OXNAD1: variants seen among roughly 807,000 people sequenced by gnomAD.
The protein encoded by OXNAD1 is oxidoreductase NAD binding domain containing 1.
OXNAD1 carries 34 observed loss-of-function variants against 32.9 expected under a neutral mutation model. The ratio of observed to expected loss-of-function variants is 1.03; its 90% CI spans 0.79 to 1.38. The LOEUF (loss-of-function observed/expected upper bound fraction) is 1.38. OXNAD1 is among the 40% of genes most tolerant of loss of function. The pLI, the probability that OXNAD1 is intolerant of heterozygous loss-of-function variation, is 0.00. For synonymous variants in OXNAD1, 134 were observed against 135.2 expected (o/e 0.99, Z 0.06); for missense variants, 407 against 379.4 (o/e 1.07, Z -0.60).
rs1190439568 is a variant in OXNAD1 at position 16,298,113 on chromosome 3, T to C, written c.432+3116T>C. Among the ~76,000 whole-genome samples the C allele has an allele frequency of 6.6e-6, 1 of 152,122 alleles. No homozygotes were observed. Among genetic ancestry groups the C allele is most frequent in the Non-Finnish European group, 1.5e-5 (1 of 68,010 alleles). On this transcript the variant is annotated intron_variant, in intron 6 of 8. Coordinates refer to ENST00000285083, the MANE Select transcript of OXNAD1 (RefSeq NM_138381.5). The surrounding 1 kb of genome is among the most constrained non-coding windows in gnomAD (Gnocchi z 5.1). ...TCCATTGTAAATGTATCCTGTCACA[T>C]TTTTACCCTGCAACCTTCTGAGTCT... is the stretch of plus-strand genomic sequence containing the variant.
In OXNAD1 at chr3:16,298,646, T is replaced by G. The variant is rs1575138691; in HGVS notation, c.433-2980T>G. On this transcript the variant is annotated intron_variant, in intron 6 of 8. Coordinates refer to ENST00000285083, the MANE Select transcript of OXNAD1 (RefSeq NM_138381.5). The surrounding 1 kb of genome is among the most constrained non-coding windows in gnomAD (Gnocchi z 5.1). ...CAATGGAGGCACGTGAGTGTCTGGG[T>G]GGCAGCAGGCTGCACCGTTGAGACA... 6.6e-6 allele frequency among the ~76,000 whole-genome samples: 1 copy of G among 152,126 alleles called. No individual in the cohort carries two copies.
intron 2 of OXNAD1, among the ~76,000 whole-genome samples, chr3:16,270,441 T>A (rs1476383930): frequency 6.6e-6 from 1 of 152,220 alleles, no homozygotes; most frequent in Non-Finnish European, 1.5e-5. Flanking sequence ...ATTTGGATAG[T>A]TTCCAGTTTG....
At chr3:16,338,577 A>T (rs2071080095), downstream of OXNAD1, among the ~76,000 whole-genome samples, 1 of 152,210 alleles carries the variant, frequency 6.6e-6, no homozygotes, top group African/African-American at 2.4e-5. This position sits in a 1 kb window ranked among gnomAD's most constrained non-coding sequence, Gnocchi z 5.3. Flanking sequence ...GATAACAATT[A>T]AAAAAGAAAC....
chr3:16,351,094 T>G (rs2072066060), downstream of OXNAD1, among the ~76,000 whole-genome samples: 1 of 152,178 alleles, frequency 6.6e-6, no homozygotes, highest in South Asian at 2.1e-4. The surrounding 1 kb of genome is among the most constrained non-coding windows in gnomAD (Gnocchi z 5.4). Context: ...GAGACAGGGT[T>G]ACAGGCCAGA....
At position 16,287,738 on chromosome 3, in the gene OXNAD1, G is replaced by C. The variant is rs2066168781; in HGVS notation, c.290+1290G>C. On this transcript the variant is annotated intron_variant, in intron 5 of 8. Transcript: ENST00000285083. The surrounding 1 kb of genome is among the most constrained non-coding windows in gnomAD (Gnocchi z 4.8). ...TGCTGCCACCGTGGTGTGCCTGCAA[G>C]TGTAATGCACTTGCTAACCTCAGTT... 6.6e-6 allele frequency among the ~76,000 whole-genome samples: 1 copy of C among 152,220 alleles called. No homozygotes were observed. The highest frequency in any genetic ancestry group is 1.5e-5 in the Non-Finnish European group (1 of 68,032).
intron 1 of OXNAD1, among the ~76,000 whole-genome samples, chr3:16,268,341 T>TGAGACTGAG: frequency 7.8e-6 from 1 of 128,610 alleles, no homozygotes; most frequent in African/African-American, 3.0e-5. Flanking sequence ...TTTTTTTTTT[T>TGAGACTGAG]TTTTTGAGAC....
At chr3:16,279,429 A>T in intron 4 of OXNAD1, among the ~76,000 whole-genome samples, 1 of 152,088 alleles carries the variant, frequency 6.6e-6, no homozygotes, top group Non-Finnish European at 1.5e-5. Context: ...AGTGCCGGAG[A>T]AAAAAAGAGT....
Position 16,348,109 on chromosome 3 carries a change from AC to A in OXNAD1, c.*31-1066del, listed in dbSNP as rs1345021391. ...ATACACCCACACTCCTCTGTCATCG[AC>A]GAGGACCACCTCGGAGCACTTGTGG... On this transcript the variant is annotated intron_variant, in intron 9 of 9. Coordinates refer to the OXNAD1 transcript ENST00000606098. The surrounding 1 kb of genome is among the most constrained non-coding windows in gnomAD (Gnocchi z 6.3). The A allele has an allele frequency of 6.6e-6, 1 of 151,814 alleles. No homozygotes were observed. Among genetic ancestry groups the A allele is most frequent in the East Asian group, 1.9e-4 (1 of 5,192 alleles). 9.4% of individuals were successfully genotyped at this position (151,814 alleles called of 1,614,324 possible).
In OXNAD1 at chr3:16,287,585, TC is replaced by T. The variant is rs1476663780; in HGVS notation, c.290+1139del. 1.3e-5 allele frequency among the ~76,000 whole-genome samples: 2 copies of T among 152,252 alleles called. No individual in the cohort carries two copies. Among genetic ancestry groups the T allele is most frequent in the Non-Finnish European group, 2.9e-5 (2 of 68,034 alleles). On this transcript the variant is annotated intron_variant, in intron 5 of 8. Coordinates refer to ENST00000285083, the MANE Select transcript of OXNAD1 (RefSeq NM_138381.5). This position sits in a 1 kb window ranked among gnomAD's most constrained non-coding sequence, Gnocchi z 4.8. ...AAACTTTAATTGTAATGATCTGTTT[TC>T]CATATTTCCTTTCTGTGGAAATGTT... is the stretch of plus-strand genomic sequence containing the variant.
rs149546960 is a variant in OXNAD1, at chr3:16,317,065, C to T, written c.*30+13473C>T. Reference sequence around the variant, plus strand: ...TCATCTCCTCGGAGACTCCACCCTCCTGCTGCTGTCCTGAAACACAGTTTC... The same window carrying T: ...TCATCTCCTCGGAGACTCCACCCTCTTGCTGCTGTCCTGAAACACAGTTTC... On this transcript the variant is annotated intron_variant, in intron 9 of 9. Transcript: ENST00000435829. The surrounding 1 kb of genome is among the most constrained non-coding windows in gnomAD (Gnocchi z 4.3). 17 of 1,613,942 alleles carry T rather than the reference C, an allele frequency of 1.1e-5. 1 individual carries two copies. Among genetic ancestry groups the T allele is most frequent in the African/African-American group, 9.3e-5 (7 of 74,954 alleles).
chr3:16,284,720 G>T lies in OXNAD1; in HGVS notation c.184-1622G>T, dbSNP rs1276289994. Reference sequence around the variant, plus strand: ...TTAATCCTCCCAGCAACCCTATGAGGTATAGGTGGTATTATTCTCATTTTA... The same window carrying T: ...TTAATCCTCCCAGCAACCCTATGAGTTATAGGTGGTATTATTCTCATTTTA... On this transcript the variant is annotated intron_variant, in intron 4 of 8. Transcript: ENST00000285083. The surrounding 1 kb of genome is among the most constrained non-coding windows in gnomAD (Gnocchi z 4.1). Among the ~76,000 whole-genome samples the T allele has an allele frequency of 6.6e-6, 1 of 152,178 alleles. No individual in the cohort carries two copies. Among genetic ancestry groups the T allele is most frequent in the Admixed American group, 6.5e-5 (1 of 15,270 alleles).
intron 9 of OXNAD1, chr3:16,323,487 C>T (rs759528620): frequency 2.6e-6 from 4 of 1,561,892 alleles, no homozygotes; most frequent in South Asian, 1.1e-5. Flanking sequence ...GAATGAGCCA[C>T]TTTATGCCTT....
At chr3:16,307,603 A>G (rs952203201), downstream of OXNAD1, among the ~76,000 whole-genome samples, 1 of 152,218 alleles carries the variant, frequency 6.6e-6, no homozygotes, top group African/African-American at 2.4e-5. Flanking sequence ...GAGGAAATCA[A>G]TTATAATGAA....
chr3:16,271,126 C>T lies in OXNAD1; in HGVS notation c.119+55C>T. ...AAGTTAATTTTCAAAGAGACCCGAC[C>T]TGCTGATGGTTGTGGGAGGCATATC... On this transcript the variant is annotated intron_variant, in intron 3 of 8. Coordinates refer to ENST00000285083, the MANE Select transcript of OXNAD1 (RefSeq NM_138381.5). The surrounding 1 kb of genome is among the most constrained non-coding windows in gnomAD (Gnocchi z 4.6). The T allele has an allele frequency of 6.3e-7, 1 of 1,589,702 alleles. No individual in the cohort carries two copies. The highest frequency in any genetic ancestry group is 8.6e-7 in the Non-Finnish European group (1 of 1,163,184).
In OXNAD1 at chr3:16,344,881, A is replaced by T. The variant is rs1351368008; in HGVS notation, c.*31-4295A>T. Among the ~76,000 whole-genome samples the T allele has an allele frequency of 1.3e-5, 2 of 152,100 alleles. No homozygotes were observed. Among genetic ancestry groups the T allele is most frequent in the Non-Finnish European group, 2.9e-5 (2 of 68,006 alleles). On this transcript the variant is annotated intron_variant, in intron 9 of 9. Coordinates refer to the OXNAD1 transcript ENST00000606098. The surrounding 1 kb of genome is among the most constrained non-coding windows in gnomAD (Gnocchi z 4.4). Reference sequence around the variant, plus strand: ...CACATAACTACAAGAACACCCCCCAACCTTTTATGCTCACTGATTTAATAT... The same window carrying T: ...CACATAACTACAAGAACACCCCCCATCCTTTTATGCTCACTGATTTAATAT...
chr3:16,306,587 C>A (rs1199110333), downstream of OXNAD1, among the ~76,000 whole-genome samples: 1 of 152,132 alleles, frequency 6.6e-6, no homozygotes, highest in African/African-American at 2.4e-5. Context: ...ACCCCCTACA[C>A]ATATACATGG....
rs1359030863 is a variant in OXNAD1 at position 16,327,617 on chromosome 3, C to T, written c.*31-9495C>T. ...TACTAAAAATACAAAAAAAATTAGC[C>T]AGGCCTGGTGGCGGGCGCCTGTAGT... On this transcript the variant is annotated intron_variant, in intron 9 of 9. Transcript: ENST00000435829. This position sits in a 1 kb window ranked among gnomAD's most constrained non-coding sequence, Gnocchi z 4.2. 1.3e-5 allele frequency among the ~76,000 whole-genome samples: 2 copies of T among 151,994 alleles called. No individual in the cohort carries two copies. Among genetic ancestry groups the T allele is most frequent in the Admixed American group, 6.6e-5 (1 of 15,262 alleles).
Position 16,286,327 on chromosome 3 carries a change from A to C in OXNAD1, c.184-15A>C, listed in dbSNP as rs753866647. 1.2e-6 allele frequency: 2 copies of C among 1,602,348 alleles called. No individual in the cohort carries two copies. Among genetic ancestry groups the C allele is most frequent in the South Asian group, 1.1e-5 (1 of 90,804 alleles). Reference sequence around the variant, plus strand: ...TACGCACTAACCTCAGCCACAGTTCATCTTTTGGTTTTAGATTGTGTCAGC... The same window carrying C: ...TACGCACTAACCTCAGCCACAGTTCCTCTTTTGGTTTTAGATTGTGTCAGC... On this transcript the variant is annotated splice_polypyrimidine_tract_variant and intron_variant, in intron 4 of 8. Coordinates refer to ENST00000285083, the MANE Select transcript of OXNAD1 (RefSeq NM_138381.5).
At chr3:16,326,689 T>C (rs916876318) in intron 9 of OXNAD1, 1 of 992,766 alleles carries the variant, frequency 1.0e-6, no homozygotes, top group East Asian at 2.6e-5. Flanking sequence ...TTAAATAATT[T>C]ATAGACGTGA....
Sources: gnomAD v4.1 joint callset for allele counts (sites outside exome capture counted in the v4.1 genomes callset) on GRCh38, gnomAD v4.1.1 for gene constraint, Gnocchi (gnomAD v3.1) non-coding constraint, MANE v1.5 for transcripts, NCBI Gene and HGNC (gene_info 2026-07-23, HGNC 2026-07-21) for gene names.